CDH4: variants seen among roughly 807,000 people sequenced by gnomAD.
CDH4 encodes cadherin 4.
In CDH4, 33 loss-of-function variants were observed where a neutral mutation model predicts 86.0. That is an observed-to-expected ratio of 0.38 (90% CI 0.29 to 0.51). The LOEUF (loss-of-function observed/expected upper bound fraction) is 0.51, where lower values mean the gene tolerates loss of function less well. Ranked by LOEUF, CDH4 falls within the 20% of genes least tolerant of loss-of-function variation. The pLI is 0.86. For synonymous variants in CDH4, 555 were observed against 549.4 expected, an observed-to-expected ratio of 1.01 and a Z score of -0.14; for missense variants, 1,114 against 1,307.4, an observed-to-expected ratio of 0.85 and a Z score of 2.28.
intron 4 of CDH4, among the ~76,000 whole-genome samples, chr20:61,776,214 A>G (rs772071787): frequency 3.3e-5 from 5 of 152,322 alleles, no homozygotes; most frequent in East Asian, 3.9e-4. Flanking sequence ...TGGCTTTCCA[A>G]TTTGCAGCAG....
chr20:61,617,314 G>T (rs1362803674), intron 2 of CDH4, among the ~76,000 whole-genome samples: 2 of 152,186 alleles, frequency 1.3e-5, no homozygotes. Flanking sequence ...CCTGGGGCCT[G>T]GTGTGGGGCA....
intron 2 of CDH4, among the ~76,000 whole-genome samples, chr20:61,519,257 A>G (rs764814531): frequency 4.6e-5 from 7 of 152,202 alleles, no homozygotes; most frequent in South Asian, 2.1e-4. Flanking sequence ...ACTGACTTCA[A>G]TCACTCTTTT....
At chr20:61,374,003 G>C (rs1311626964) in intron 2 of CDH4, among the ~76,000 whole-genome samples, 1 of 152,192 alleles carries the variant, frequency 6.6e-6, no homozygotes, top group Admixed American at 6.5e-5. Flanking sequence ...GTGGCTGGCA[G>C]TGCGCACGGC....
At chr20:61,579,279 A>G (rs921848078) in intron 2 of CDH4, among the ~76,000 whole-genome samples, 3 of 135,906 alleles carry the variant, frequency 2.2e-5, no homozygotes, top group South Asian at 4.9e-4. Context: ...ATCTCCCTCG[A>G]TGGAGATTTT....
chr20:61,881,684 G>A (rs1984283610), intron 7 of CDH4, among the ~76,000 whole-genome samples: 1 of 152,206 alleles, frequency 6.6e-6, no homozygotes, highest in African/African-American at 2.4e-5. Flanking sequence ...GCACGTGGGG[G>A]ACTGCAGGTG....
intron 2 of CDH4, chr20:61,437,501 T>A (rs1252794827): frequency 6.6e-6 from 1 of 152,182 alleles, no homozygotes; most frequent in Non-Finnish European, 1.5e-5. Context: ...GATTGCTAAA[T>A]AAGGTATCTG....
At chr20:61,599,121 G>T (rs1370864324) in intron 2 of CDH4, among the ~76,000 whole-genome samples, 1 of 152,194 alleles carries the variant, frequency 6.6e-6, no homozygotes, top group East Asian at 1.9e-4. Flanking sequence ...CGCCCCTGCA[G>T]GTTGGTGGAT....
chr20:61,573,433 A>G (rs1202042549), intron 2 of CDH4, among the ~76,000 whole-genome samples: 1 of 152,184 alleles, frequency 6.6e-6, no homozygotes, highest in Non-Finnish European at 1.5e-5. Flanking sequence ...GCATCTCCAG[A>G]AGCAGAAGGA....
chr20:61,832,779 G>A (rs555671199), intron 4 of CDH4, among the ~76,000 whole-genome samples: 1 of 152,278 alleles, frequency 6.6e-6, no homozygotes, highest in Admixed American at 6.5e-5. Context: ...GGGACACAAA[G>A]TCTAACCATA....
rs146878092 is a variant in CDH4, at chr20:61,517,704, G to A, written c.170-225859G>A. On this transcript the variant is annotated intron_variant, in intron 2 of 15. Transcript: ENST00000614565. The surrounding 1 kb of genome is among the most constrained non-coding windows in gnomAD (Gnocchi z 6.6). ...AATGAACAAGGAGGGGTTGTCGGACGTGTTCAGGACAGGAACAGCACACTC... is the reference window on the plus strand; with the variant it reads ...AATGAACAAGGAGGGGTTGTCGGACATGTTCAGGACAGGAACAGCACACTC... Among the ~76,000 whole-genome samples, 243 of 152,258 alleles carry A rather than the reference G, an allele frequency of 1.6e-3. 1 individual carries two copies. The highest frequency in any genetic ancestry group is 5.1e-3 in the African/African-American group (211 of 41,538).
intron 2 of CDH4, among the ~76,000 whole-genome samples, chr20:61,364,071 A>T (rs2084798288): frequency 6.6e-6 from 1 of 152,204 alleles, no homozygotes; most frequent in Non-Finnish European, 1.5e-5. Flanking sequence ...CTCACCATGC[A>T]TTAACCCATA....
At chr20:61,893,400 G>T (rs1054748275) in intron 7 of CDH4, among the ~76,000 whole-genome samples, 2 of 151,586 alleles carry the variant, frequency 1.3e-5, no homozygotes, top group Non-Finnish European at 2.9e-5. Flanking sequence ...TGAATAGAGG[G>T]ATGGTGGATG....
chr20:61,546,238 TGG>T (rs1191998282), intron 2 of CDH4, among the ~76,000 whole-genome samples: 51 of 149,270 alleles, frequency 3.4e-4, no homozygotes, highest in Admixed American at 3.1e-3. Flanking sequence ...TGCATGTGTG[TGG>T]GGGTATGTGG....
At chr20:61,688,795 TAACAC>T (rs913514935) in intron 2 of CDH4, among the ~76,000 whole-genome samples, 3 of 152,264 alleles carry the variant, frequency 2.0e-5, no homozygotes, top group African/African-American at 7.2e-5. Context: ...TTTTTTCTGA[TAACAC>T]AAGTAACATA....
rs2146047294 is a variant in CDH4, at chr20:61,811,502, A to T, written c.577-33166A>T. Among the ~76,000 whole-genome samples, 1 of 152,296 alleles carries T rather than the reference A, an allele frequency of 6.6e-6. No individual in the cohort carries two copies. The highest frequency in any genetic ancestry group is 2.4e-5 in the African/African-American group (1 of 41,568). On this transcript the variant is annotated intron_variant, in intron 4 of 15. Coordinates refer to ENST00000614565, the MANE Select transcript of CDH4 (RefSeq NM_001794.5). This position sits in a 1 kb window ranked among gnomAD's most constrained non-coding sequence, Gnocchi z 4.4. ...AAGGAAGCTCATTTCAGAGCAGTGG[A>T]ATCAACCAGTTAGAAATGGGAAAAT... is the stretch of plus-strand genomic sequence containing the variant.
chr20:61,734,751 G>C (rs527254178), intron 2 of CDH4, among the ~76,000 whole-genome samples: 42 of 152,048 alleles, frequency 2.8e-4, no homozygotes, highest in Middle Eastern at 3.4e-3. Flanking sequence ...TGGAGACTGA[G>C]CTCAGCCTCA....
At chr20:61,898,832 TG>T (rs1985250234) in intron 8 of CDH4, among the ~76,000 whole-genome samples, 1 of 152,170 alleles carries the variant, frequency 6.6e-6, no homozygotes, top group Non-Finnish European at 1.5e-5. Context: ...GCTCTAAAAA[TG>T]CCATGGGTGG....
chr20:61,279,934 A>G (rs1234749903), intron 2 of CDH4, among the ~76,000 whole-genome samples: 1 of 152,134 alleles, frequency 6.6e-6, no homozygotes, highest in East Asian at 1.9e-4. Flanking sequence ...CATCTTCACC[A>G]GGGCCTGTTG....
chr20:61,364,753 C>G (rs1004660160), intron 2 of CDH4, among the ~76,000 whole-genome samples: 15 of 152,222 alleles, frequency 9.9e-5, no homozygotes, highest in African/African-American at 3.6e-4. Context: ...TGAAATAGAT[C>G]TGGTTTCAAA....
Sources: gnomAD v4.1 joint callset for allele counts (sites outside exome capture counted in the v4.1 genomes callset) on GRCh38, gnomAD v4.1.1 for gene constraint, Gnocchi (gnomAD v3.1) non-coding constraint, MANE v1.5 for transcripts, NCBI Gene and HGNC (gene_info 2026-07-23, HGNC 2026-07-21) for gene names.